GRID2: variants seen among roughly 807,000 people sequenced by gnomAD.
GRID2 encodes glutamate receptor ionotropic, delta-2.
In GRID2, 33 loss-of-function variants were observed where a neutral mutation model predicts 114.8. The observed-to-expected ratio is 0.29, with a 90% CI of 0.22 to 0.38. The LOEUF (loss-of-function observed/expected upper bound fraction) is 0.38. GRID2 is among the 10% of genes least tolerant of loss of function. The pLI is 1.00. For missense variants in GRID2, 1,184 were observed against 1,257.7 expected, an observed-to-expected ratio of 0.94 and a Z score of 0.89; for synonymous variants, 505 against 449.9, an observed-to-expected ratio of 1.12 and a Z score of -1.55.
At chr4:93,302,102 T>C (rs1276915337) in intron 8 of GRID2, among the ~76,000 whole-genome samples, 1 of 152,200 alleles carries the variant, frequency 6.6e-6, no homozygotes, top group Admixed American at 6.5e-5. Flanking sequence ...AGAAAAAATA[T>C]GTATTTTCCC....
chr4:92,328,109 A>C (rs1028623356), intron 1 of GRID2, among the ~76,000 whole-genome samples: 1 of 152,176 alleles, frequency 6.6e-6, no homozygotes, highest in Admixed American at 6.6e-5. Context: ...TCAAATGTCA[A>C]ATAATAGCAA....
chr4:93,022,620 A>T (rs1396601688), intron 2 of GRID2, among the ~76,000 whole-genome samples: 1 of 151,950 alleles, frequency 6.6e-6, no homozygotes, highest in Non-Finnish European at 1.5e-5. Flanking sequence ...CTTTTAATCA[A>T]AATGTTTTCA....
At chr4:92,916,676 C>T (rs892465097) in intron 2 of GRID2, among the ~76,000 whole-genome samples, 3 of 152,154 alleles carry the variant, frequency 2.0e-5, no homozygotes, top group Non-Finnish European at 4.4e-5. Flanking sequence ...CATGTCCCTA[C>T]AAAGGATATG....
chr4:93,403,231 A>C (rs1766077162), intron 9 of GRID2, among the ~76,000 whole-genome samples: 1 of 152,156 alleles, frequency 6.6e-6, no homozygotes, highest in African/African-American at 2.4e-5. Context: ...TATCTAAAAT[A>C]AACTTAAAGT....
intron 2 of GRID2, among the ~76,000 whole-genome samples, chr4:93,082,067 G>T (rs929487017): frequency 5.9e-5 from 9 of 152,160 alleles, no homozygotes; most frequent in Middle Eastern, 3.4e-3. Flanking sequence ...GGTAAAATAG[G>T]GCCAAATGGG....
intron 2 of GRID2, among the ~76,000 whole-genome samples, chr4:93,017,806 G>GAAAAAA (rs796967580): frequency 2.0e-5 from 1 of 49,172 alleles, no homozygotes; most frequent in African/African-American, 7.0e-5. Context: ...TCCTTTTCAA[G>GAAAAAA]AAAAAAAAAA....
chr4:92,777,110 A>T (rs1738844920), intron 2 of GRID2, among the ~76,000 whole-genome samples: 2 of 151,616 alleles, frequency 1.3e-5, no homozygotes, highest in Non-Finnish European at 2.9e-5. Flanking sequence ...TTCATCCGAG[A>T]TACTAGAGAA....
At chr4:92,621,836 G>A (rs1383041231) in intron 2 of GRID2, among the ~76,000 whole-genome samples, 1 of 151,728 alleles carries the variant, frequency 6.6e-6, no homozygotes, top group Non-Finnish European at 1.5e-5. Flanking sequence ...AATGATGAAG[G>A]TAAATACATA....
rs570779021 is a variant in GRID2, at chr4:92,636,150, T to C, written c.244+45864T>C. Among the ~76,000 whole-genome samples the C allele has an allele frequency of 1.1e-4, 16 of 152,034 alleles. No individual in the cohort carries two copies. The East Asian group carries it at 2.9e-3, about 28-fold the overall frequency. On this transcript the variant is annotated intron_variant, in intron 2 of 15. Transcript: ENST00000282020. The stretch of plus-strand genomic sequence containing the variant: ...TGATTTTACTGTTAGAACCCTAGAG[T>C]TGGTGGGCCTGCCGAGTCCTGCTTG...
rs563419551 is a variant in GRID2 at position 93,289,193 on chromosome 4, TTAAC to T, written c.1245+50706_1245+50709del. On this transcript the variant is annotated intron_variant, in intron 8 of 15. Transcript: ENST00000282020. Reference sequence around the variant, plus strand: ...GCCAAGAAGCTTCATAGGTAGGTGATTAACTAGTAGTCGTTTTGCTTGAATGAGA... The same window carrying T: ...GCCAAGAAGCTTCATAGGTAGGTGATTAGTAGTCGTTTTGCTTGAATGAGA... Among the ~76,000 whole-genome samples, 11 of 152,340 alleles carry T rather than the reference TTAAC, an allele frequency of 7.2e-5. No individual in the cohort carries two copies. In the South Asian group the frequency reaches 2.3e-3, roughly 32 times the overall value.
intron 2 of GRID2, among the ~76,000 whole-genome samples, chr4:92,661,734 T>G (rs1218053476): frequency 6.6e-6 from 1 of 151,136 alleles, no homozygotes; most frequent in East Asian, 1.9e-4. Context: ...TTAATGATGA[T>G]GTATATGTTT....
chr4:92,673,339 G>T (rs1307678474), intron 2 of GRID2, among the ~76,000 whole-genome samples: 1 of 152,114 alleles, frequency 6.6e-6, no homozygotes, highest in Non-Finnish European at 1.5e-5. Flanking sequence ...TGCAATTGTG[G>T]ACATCCACTT....
At chr4:92,920,607 G>T (rs889616928) in intron 2 of GRID2, among the ~76,000 whole-genome samples, 1 of 151,982 alleles carries the variant, frequency 6.6e-6, no homozygotes, top group South Asian at 2.1e-4. Flanking sequence ...TCACTTATGA[G>T]GCTTAGTTTG....
At chr4:92,447,505 A>G (rs1358863476) in intron 1 of GRID2, among the ~76,000 whole-genome samples, 1 of 152,194 alleles carries the variant, frequency 6.6e-6, no homozygotes, top group Admixed American at 6.5e-5. Context: ...ACCAGCCCAC[A>G]CAGTTCTATT....
intron 1 of GRID2, among the ~76,000 whole-genome samples, chr4:92,549,099 GC>G (rs1363087173): frequency 8.0e-5 from 11 of 137,880 alleles, no homozygotes; most frequent in Non-Finnish European, 1.7e-4. Flanking sequence ...GATGATAGGA[GC>G]TAAAGATTTT....
chr4:93,004,636 A>G (rs1027611586), intron 2 of GRID2, among the ~76,000 whole-genome samples: 1 of 152,006 alleles, frequency 6.6e-6, no homozygotes, highest in Non-Finnish European at 1.5e-5. Flanking sequence ...AATGAAGACC[A>G]TGTACTCTTC....
chr4:92,379,582 T>C (rs1353091633), intron 1 of GRID2, among the ~76,000 whole-genome samples: 1 of 152,018 alleles, frequency 6.6e-6, no homozygotes, highest in Non-Finnish European at 1.5e-5. Flanking sequence ...TTGAACAGTA[T>C]ATTTTATAAT....
intron 2 of GRID2, among the ~76,000 whole-genome samples, chr4:92,747,153 C>G (rs1578137651): frequency 1.3e-5 from 2 of 151,712 alleles, no homozygotes; most frequent in South Asian, 4.2e-4. Context: ...GTAAAATACC[C>G]TAAAATGATA....
At chr4:93,585,001 C>T (rs1737386334) in intron 13 of GRID2, among the ~76,000 whole-genome samples, 1 of 152,062 alleles carries the variant, frequency 6.6e-6, no homozygotes, top group Non-Finnish European at 1.5e-5. Flanking sequence ...CTTTGGCTAA[C>T]TTTCTCAAAA....
Sources: gnomAD v4.1 joint callset for allele counts (sites outside exome capture counted in the v4.1 genomes callset) on GRCh38, gnomAD v4.1.1 for gene constraint, MANE v1.5 for transcripts, NCBI Gene and HGNC (gene_info 2026-07-23, HGNC 2026-07-21) for gene names.